RMDN2: variants seen among roughly 807,000 people sequenced by gnomAD.
RMDN2 encodes regulator of microtubule dynamics 2, also known as regulator of microtubule dynamics protein 2.
RMDN2 carries 61 observed loss-of-function variants against 52.8 expected under a neutral mutation model. The observed-to-expected ratio is 1.16, with a 90% CI of 0.94 to 1.43. The LOEUF (loss-of-function observed/expected upper bound fraction) is 1.43. Among genes scored for constraint, RMDN2 ranks in the 40% most tolerant of loss-of-function variants. The probability of loss-of-function intolerance (pLI) is 0.00; values close to 1 mark genes in which losing one functional copy is unlikely to be tolerated. For synonymous variants in RMDN2, 180 were observed against 153.1 expected (o/e 1.18, Z -1.30); for missense variants, 592 against 475.3 (o/e 1.25, Z -2.28).
chr2:38,018,276 G>A (rs145811851), downstream of RMDN2, among the ~76,000 whole-genome samples: 1,061 of 152,202 alleles, frequency 7.0e-3, 7 homozygotes, highest in African/African-American at 0.024. Context: ...TCTCATACAC[G>A]GTTAGTGAGA....
intron 2 of RMDN2, among the ~76,000 whole-genome samples, chr2:37,964,238 G>A (rs959993210): frequency 1.2e-4 from 18 of 152,236 alleles, no homozygotes; most frequent in Admixed American, 4.6e-4. Context: ...GCCGGGCGGA[G>A]GGGCTCCTCC....
At chr2:37,963,980 G>T (rs866103147) in intron 2 of RMDN2, among the ~76,000 whole-genome samples, 4 of 150,868 alleles carry the variant, frequency 2.7e-5, no homozygotes, top group East Asian at 4.0e-4. Flanking sequence ...GCGGCTGGCC[G>T]GGCGGGGGCT....
At chr2:38,006,399 C>A (rs142169735) in intron 10 of RMDN2, among the ~76,000 whole-genome samples, 2 of 152,062 alleles carry the variant, frequency 1.3e-5, no homozygotes, top group Non-Finnish European at 2.9e-5. Flanking sequence ...GTTTGTAGTT[C>A]TCCTCGAAGA....
At chr2:37,957,834 GA>G (rs1669678371) in intron 2 of RMDN2, among the ~76,000 whole-genome samples, 1 of 152,168 alleles carries the variant, frequency 6.6e-6, no homozygotes, top group Non-Finnish European at 1.5e-5. Context: ...AAGGTATAAG[GA>G]AGGGGTCCAG....
intron 2 of RMDN2, among the ~76,000 whole-genome samples, chr2:37,964,425 T>A (rs1243643831): frequency 6.6e-6 from 1 of 152,256 alleles, no homozygotes; most frequent in Non-Finnish European, 1.5e-5. Context: ...TGCCTTGTGA[T>A]TGCATCTTTG....
intron 2 of RMDN2, among the ~76,000 whole-genome samples, chr2:37,932,776 C>T (rs1418846126): frequency 7.2e-6 from 1 of 138,706 alleles, no homozygotes; most frequent in South Asian, 2.3e-4. Flanking sequence ...GGCAGAGGCG[C>T]CCCTCACCTC....
intron 7 of RMDN2, among the ~76,000 whole-genome samples, chr2:37,993,203 G>T (rs575089485): frequency 6.6e-6 from 1 of 152,132 alleles, no homozygotes; most frequent in Non-Finnish European, 1.5e-5. Context: ...GGGATTACAG[G>T]CATGAACCAC....
chr2:38,022,687 T>A (rs935052373), downstream of RMDN2, among the ~76,000 whole-genome samples: 1 of 152,252 alleles, frequency 6.6e-6, no homozygotes, highest in African/African-American at 2.4e-5. Context: ...TCTTTCTTAC[T>A]AAATAACAAA....
intron 5 of RMDN2, 29 bp downstream of exon 5, chr2:37,981,372 T>G (rs1364599942): frequency 6.9e-7 from 1 of 1,440,616 alleles, no homozygotes; most frequent in African/African-American, 1.4e-5. Flanking sequence ...TGCAGTCTTT[T>G]AAATTCTAAC....
chr2:37,952,041 C>T, intron 2 of RMDN2: 1 of 1,613,456 alleles, frequency 6.2e-7, no homozygotes, highest in Middle Eastern at 1.7e-4. Context: ...TGGAACTTTC[C>T]CATTCCTCCA....
chr2:38,019,889 C>T (rs1487278457), downstream of RMDN2, among the ~76,000 whole-genome samples: 2 of 152,238 alleles, frequency 1.3e-5, no homozygotes, highest in East Asian at 3.9e-4. Flanking sequence ...TGCGCCACTA[C>T]ACTCCACTCT....
chr2:38,060,739 G>A (rs1434808445), intron 10 of RMDN2, among the ~76,000 whole-genome samples: 1 of 152,150 alleles, frequency 6.6e-6, no homozygotes, highest in Admixed American at 6.5e-5. Flanking sequence ...GACCTGACTT[G>A]TGGGGTCCAA....
intron 2 of RMDN2, among the ~76,000 whole-genome samples, chr2:37,964,369 G>A (rs1037975024): frequency 6.6e-6 from 1 of 152,108 alleles, no homozygotes; most frequent in African/African-American, 2.4e-5. Flanking sequence ...TAAGTTTTTG[G>A]TATGTTATGT....
rs188783430 is a variant in RMDN2 at position 38,026,039 on chromosome 2, T to A, written c.1713+21823T>A. 1.7e-3 allele frequency among the ~76,000 whole-genome samples: 255 copies of A among 152,236 alleles called. 2 individuals are homozygous for A. Among genetic ancestry groups the A allele is most frequent in the African/African-American group, 5.9e-3 (247 of 41,572 alleles). ...GAATTGATATCGTTTCTCCCTTAAATGTTTAGTGGAATTCACTCGTGAACC... is the reference window on the plus strand; with the variant it reads ...GAATTGATATCGTTTCTCCCTTAAAAGTTTAGTGGAATTCACTCGTGAACC... On this transcript the variant is annotated intron_variant, in intron 10 of 10. Transcript: ENST00000234195.
At chr2:37,936,401 A>G (rs567074211) in intron 2 of RMDN2, among the ~76,000 whole-genome samples, 3 of 152,306 alleles carry the variant, frequency 2.0e-5, no homozygotes, top group South Asian at 4.1e-4. Flanking sequence ...TCCTTTGGGT[A>G]TATACCCCGT....
At chr2:38,038,719 G>A (rs1044611771) in intron 10 of RMDN2, among the ~76,000 whole-genome samples, 33 of 152,284 alleles carry the variant, frequency 2.2e-4, no homozygotes, top group African/African-American at 7.7e-4. Flanking sequence ...ATAGAAGGTG[G>A]GTTGATTACA....
intron 2 of RMDN2, among the ~76,000 whole-genome samples, chr2:37,932,353 A>T (rs1209817211): frequency 2.6e-5 from 4 of 152,028 alleles, no homozygotes; most frequent in Non-Finnish European, 5.9e-5. Flanking sequence ...GATACAGCAC[A>T]TGTTTCAGAG....
chr2:37,947,502 T>G (rs1245449718), intron 2 of RMDN2, among the ~76,000 whole-genome samples: 1 of 152,220 alleles, frequency 6.6e-6, no homozygotes, highest in Non-Finnish European at 1.5e-5. Flanking sequence ...AGCTGTGTCA[T>G]CTGAGTAACA....
At chr2:37,967,498 C>A (rs770906308) in intron 2 of RMDN2, among the ~76,000 whole-genome samples, 1 of 152,192 alleles carries the variant, frequency 6.6e-6, no homozygotes, top group Non-Finnish European at 1.5e-5. Flanking sequence ...GCAGACTGGT[C>A]AAGAGAAATG....
Sources: gnomAD v4.1 joint callset for allele counts (sites outside exome capture counted in the v4.1 genomes callset) on GRCh38, gnomAD v4.1.1 for gene constraint, MANE v1.5 for transcripts, NCBI Gene and HGNC (gene_info 2026-07-23, HGNC 2026-07-21) for gene names.